Variants in PCLO observed in about 807,000 individuals in gnomAD.
PCLO encodes the protein piccolo presynaptic cytomatrix protein.
PCLO carries 82 observed loss-of-function variants against 427.5 expected under a neutral mutation model. That is an observed-to-expected ratio of 0.19 (90% CI 0.16 to 0.23). The LOEUF is 0.23. PCLO is among the 10% of genes least tolerant of loss of function. The probability of loss-of-function intolerance (pLI) is 1.00; values close to 1 mark genes in which losing one functional copy is unlikely to be tolerated. For synonymous variants in PCLO, 2,357 were observed against 2,155.4 expected (o/e 1.09, Z -2.59); for missense variants, 6,239 against 6,115.9 (o/e 1.02, Z -0.67).
At chr7:82,971,551 T>G (rs2115703765) in intron 3 of PCLO, among the ~76,000 whole-genome samples, 1 of 147,500 alleles carries the variant, frequency 6.8e-6, no homozygotes, top group African/African-American at 2.5e-5. Context: ...ATCTATATAA[T>G]CATATAATAT....
chr7:83,119,318 G>C (rs1008687978), intron 3 of PCLO, among the ~76,000 whole-genome samples: 7 of 152,148 alleles, frequency 4.6e-5, no homozygotes, highest in African/African-American at 1.4e-4. Context: ...CCAGCACAGA[G>C]AGAGAGGCTC....
intron 17 of PCLO, among the ~76,000 whole-genome samples, chr7:82,827,361 T>C (rs1285021549): frequency 6.6e-6 from 1 of 152,054 alleles, no homozygotes; most frequent in African/African-American, 2.4e-5. Flanking sequence ...TGATAATCCT[T>C]TATACTAGTC....
intron 16 of PCLO, among the ~76,000 whole-genome samples, chr7:82,830,497 G>A (rs1326334815): frequency 6.6e-6 from 1 of 151,868 alleles, no homozygotes; most frequent in Non-Finnish European, 1.5e-5. Flanking sequence ...CGACTTTTAA[G>A]TTAATAGTAA....
chr7:82,885,960 G>C (rs2116084385), intron 9 of PCLO, among the ~76,000 whole-genome samples: 1 of 152,246 alleles, frequency 6.6e-6, no homozygotes, highest in African/African-American at 2.4e-5. Flanking sequence ...AGTTCACTGG[G>C]TTTAGAATCA....
intron 20 of PCLO, among the ~76,000 whole-genome samples, chr7:82,808,457 A>G (rs1042383129): frequency 6.6e-6 from 1 of 151,960 alleles, no homozygotes; most frequent in African/African-American, 2.4e-5. Flanking sequence ...AATATAAAAT[A>G]GCATAATAAG....
chr7:82,840,185 A>C (rs771652134), intron 14 of PCLO, among the ~76,000 whole-genome samples: 12 of 152,136 alleles, frequency 7.9e-5, no homozygotes, highest in Non-Finnish European at 1.3e-4. Context: ...AGAAAGATCA[A>C]GTCAGTGAAA....
rs1787758509 is a variant in PCLO at position 82,999,726 on chromosome 7, AT to A, written c.3301-33240del. On this transcript the variant is annotated intron_variant, in intron 3 of 24. Transcript: ENST00000333891. Reference sequence around the variant, plus strand: ...TTAAATATAAAATATAATATATAATATTAAATATAAAATATAATATATAATA... The same window carrying A: ...TTAAATATAAAATATAATATATAATATAAATATAAAATATAATATATAATA... Among the ~76,000 whole-genome samples the A allele has an allele frequency of 1.7e-5, 2 of 118,548 alleles. 1 individual carries two copies. The highest frequency in any genetic ancestry group is 2.1e-4 in the Admixed American group (2 of 9,306). The allele number at this position is 118,548 out of a possible 152,430, so 77.8% of individuals were successfully genotyped here. A position where few individuals can be genotyped will look rare whatever the true frequency, so the allele number is the denominator to read the frequency against.
At chr7:83,099,996 AAAT>A (rs1790696976) in intron 3 of PCLO, among the ~76,000 whole-genome samples, 1 of 152,184 alleles carries the variant, frequency 6.6e-6, no homozygotes, top group Non-Finnish European at 1.5e-5. Flanking sequence ...TTATTATATT[AAAT>A]AATGTTTGCT....
intron 15 of PCLO, among the ~76,000 whole-genome samples, chr7:82,836,847 T>A (rs1584029726): frequency 6.6e-6 from 1 of 152,128 alleles, no homozygotes; most frequent in Non-Finnish European, 1.5e-5. Flanking sequence ...CTAATTTGGA[T>A]CCTGTTTAAA....
intron 3 of PCLO, among the ~76,000 whole-genome samples, chr7:82,989,000 AT>A (rs570736763): frequency 1.3e-5 from 2 of 150,476 alleles, no homozygotes; most frequent in African/African-American, 2.4e-5. Flanking sequence ...ATGCCTGGCT[AT>A]TTTTTTTGTA....
At chr7:82,888,207 A>C (rs1584104240) in intron 9 of PCLO, among the ~76,000 whole-genome samples, 1 of 152,282 alleles carries the variant, frequency 6.6e-6, no homozygotes, top group East Asian at 1.9e-4. Flanking sequence ...GTTTTGTTCC[A>C]CGGATATTCC....
intron 3 of PCLO, among the ~76,000 whole-genome samples, chr7:82,971,590 AAT>A (rs1387075231): frequency 2.0e-5 from 3 of 147,598 alleles, no homozygotes; most frequent in East Asian, 1.9e-4. Context: ...TATAATATAT[AAT>A]ATATATGATA....
chr7:83,118,906 T>C (rs1370393025), intron 3 of PCLO, among the ~76,000 whole-genome samples: 1 of 152,136 alleles, frequency 6.6e-6, no homozygotes, highest in African/African-American at 2.4e-5. Flanking sequence ...TTATATCACC[T>C]CTTTCCCAAC....
At chr7:82,814,247 C>G (rs2107068) in intron 20 of PCLO, among the ~76,000 whole-genome samples, 65,286 of 151,014 alleles carry the variant, frequency 0.43, 16,052 homozygotes, top group East Asian at 0.85. Context: ...TGTCATTTGT[C>G]AATCTTAATA....
chr7:82,978,883 C>G (rs1252348693), intron 3 of PCLO, among the ~76,000 whole-genome samples: 1 of 151,324 alleles, frequency 6.6e-6, no homozygotes, highest in Non-Finnish European at 1.5e-5. Context: ...CACACACACA[C>G]ACACACACAC....
At chr7:83,038,203 C>CAT (rs75153415) in intron 3 of PCLO, among the ~76,000 whole-genome samples, 2 of 144,602 alleles carry the variant, frequency 1.4e-5, no homozygotes, top group Non-Finnish European at 3.0e-5. Context: ...CATACACACA[C>CAT]ATATATGTGT....
chr7:83,129,718 A>G (rs1255296433), intron 3 of PCLO, among the ~76,000 whole-genome samples: 1 of 152,208 alleles, frequency 6.6e-6, no homozygotes, highest in Non-Finnish European at 1.5e-5. Context: ...ACAAAAACAT[A>G]CATCCATAGA....
intron 3 of PCLO, among the ~76,000 whole-genome samples, chr7:83,072,976 C>T (rs1192548911): frequency 2.6e-5 from 4 of 151,968 alleles, no homozygotes; most frequent in East Asian, 1.9e-4. Context: ...CTCTCTCTGT[C>T]TCCCTCTCCC....
At chr7:83,110,808 G>T (rs540392049) in intron 3 of PCLO, among the ~76,000 whole-genome samples, 1 of 152,218 alleles carries the variant, frequency 6.6e-6, no homozygotes, top group Non-Finnish European at 1.5e-5. Context: ...GCAGTCAGTT[G>T]CTAAACCCTG....
Sources: allele counts gnomAD v4.1 joint callset (sites outside exome capture counted in the v4.1 genomes callset), GRCh38; gene constraint gnomAD v4.1.1; transcripts MANE v1.5; gene names NCBI Gene and HGNC (gene_info 2026-07-23, HGNC 2026-07-21).